Variants in SYT6 observed in about 807,000 individuals in gnomAD.
The protein encoded by SYT6 is synaptotagmin-6.
SYT6 carries 24 observed loss-of-function variants against 38.4 expected under a neutral mutation model. The ratio of observed to expected loss-of-function variants is 0.62; its 90% CI spans 0.45 to 0.88. The LOEUF is 0.88. SYT6 is among the 40% of genes least tolerant of loss of function. The pLI, the probability that SYT6 is intolerant of heterozygous loss-of-function variation, is 0.00. For missense variants in SYT6, 611 were observed against 621.0 expected, an observed-to-expected ratio of 0.98 and a Z score of 0.17; for synonymous variants, 265 against 241.9, an observed-to-expected ratio of 1.10 and a Z score of -0.89.
intron 5 of SYT6, among the ~76,000 whole-genome samples, chr1:114,098,753 A>T (rs1003312655): frequency 6.6e-6 from 1 of 152,214 alleles, no homozygotes; most frequent in Non-Finnish European, 1.5e-5. Flanking sequence ...AGTAGTAGCA[A>T]CAGCAGAAAT....
intron 3 of SYT6, among the ~76,000 whole-genome samples, chr1:114,113,317 C>T (rs987186035): frequency 6.6e-6 from 1 of 152,188 alleles, no homozygotes; most frequent in Admixed American, 6.5e-5. Flanking sequence ...CTTCTCCCAT[C>T]CCTGCCTCTA....
chr1:114,090,441 C>T lies in SYT6; in HGVS notation c.*1693G>A, dbSNP rs1675235475. ...CAATATCCTGTTAACTCATGCCCAACCTGGTCATTTTTAGGGCTAGAAGAT... is the reference window on the plus strand; with the variant it reads ...CAATATCCTGTTAACTCATGCCCAATCTGGTCATTTTTAGGGCTAGAAGAT... On this transcript the variant is annotated 3_prime_UTR_variant, in exon 8 of 8. Transcript: ENST00000610222. The T allele has an allele frequency of 6.6e-6, 1 of 152,338 alleles. No homozygotes were observed. Among genetic ancestry groups the T allele is most frequent in the African/African-American group, 2.4e-5 (1 of 41,450 alleles). The allele number at this position is 152,338 out of a possible 1,614,324, so 9.4% of individuals were successfully genotyped here.
chr1:114,109,026 G>C (rs1162584274), intron 3 of SYT6, among the ~76,000 whole-genome samples: 1 of 152,182 alleles, frequency 6.6e-6, no homozygotes, highest in African/African-American at 2.4e-5. Flanking sequence ...GGCTGGAAGA[G>C]AGATGAGGTA....
intron 2 of SYT6, 91 bp downstream of exon 2, chr1:114,139,524 G>T: frequency 6.5e-7 from 1 of 1,529,238 alleles, no homozygotes; most frequent in Non-Finnish European, 8.9e-7. Context: ...TATTATTTCT[G>T]GTCTGTGATC....
At chr1:114,096,576 A>C (rs1675654595) in intron 6 of SYT6, among the ~76,000 whole-genome samples, 1 of 152,026 alleles carries the variant, frequency 6.6e-6, no homozygotes, top group Admixed American at 6.5e-5. Flanking sequence ...CTCTCCTGAG[A>C]CACCTCAGCC....
At chr1:114,107,730 G>A (rs1676415050) in intron 3 of SYT6, among the ~76,000 whole-genome samples, 1 of 152,174 alleles carries the variant, frequency 6.6e-6, no homozygotes, top group African/African-American at 2.4e-5. Flanking sequence ...GGAAAGCCAG[G>A]CCCCAGCTCG....
intron 1 of SYT6, among the ~76,000 whole-genome samples, chr1:114,147,591 C>T (rs1018330410): frequency 2.0e-5 from 3 of 152,204 alleles, no homozygotes; most frequent in Admixed American, 1.3e-4. Context: ...CTAGCCCTGG[C>T]TGTGAAACTG....
chr1:114,096,149 C>A (rs1443382971), intron 6 of SYT6, among the ~76,000 whole-genome samples: 5 of 152,128 alleles, frequency 3.3e-5, no homozygotes, highest in African/African-American at 1.2e-4. Context: ...CTGGGTTGAA[C>A]CAACACAGCC....
In SYT6 at chr1:114,137,707, G is replaced by A. The variant is rs199947720; in HGVS notation, c.859C>T (p.Arg287Cys). ...TCAAAGGTGGGGTTCAGGGTCTTGC[G>A]GTGCACCCGGGTCTGCAGCTTGCAT... The part of the protein sequence containing the change: ...RKCKLQTRVH[R>C]KTLNPTFDEN... Residue 287 changes from arginine to cysteine, a missense_variant, in exon 3 of 8, where the codon CGC (arginine) becomes TGC (cysteine). By Grantham distance (180) the Arg-to-Cys change is radical. Transcript: ENST00000610222. 34 of 1,613,746 alleles carry A rather than the reference G, an allele frequency of 2.1e-5. No homozygotes were observed. The highest frequency in any genetic ancestry group is 8.8e-5 in the South Asian group (8 of 91,060).
At chr1:114,110,867 C>G (rs565160032) in intron 3 of SYT6, among the ~76,000 whole-genome samples, 8 of 152,180 alleles carry the variant, frequency 5.3e-5, no homozygotes, top group Admixed American at 1.3e-4. Flanking sequence ...CCCACTCCCT[C>G]CAATCCATCC....
At position 114,092,025 on chromosome 1, in the gene SYT6, G is replaced by T. The variant is rs1675333744; in HGVS notation, c.*109C>A. 1 of 1,536,184 alleles carries T rather than the reference G, an allele frequency of 6.5e-7. No individual in the cohort carries two copies. Among genetic ancestry groups the T allele is most frequent in the African/African-American group, 1.4e-5 (1 of 73,064 alleles). ...GGCTGCACATCTCATGGTGTTGGAG[G>T]TGGTTTCGGAGATGGGCACGAGCTC... is the stretch of plus-strand genomic sequence containing the variant. On this transcript the variant is annotated 3_prime_UTR_variant, in exon 8 of 8. Coordinates refer to ENST00000610222, the MANE Select transcript of SYT6 (RefSeq NM_001253772.2).
chr1:114,145,014 T>C (rs995550673), intron 1 of SYT6, among the ~76,000 whole-genome samples: 1 of 151,996 alleles, frequency 6.6e-6, no homozygotes, highest in Non-Finnish European at 1.5e-5. Flanking sequence ...GAGCTGGAGG[T>C]AGTCCTTCAC....
chr1:114,091,984 C>T lies in SYT6; in HGVS notation c.*150G>A, dbSNP rs1447687460. 4 of 1,534,814 alleles carry T rather than the reference C, an allele frequency of 2.6e-6. No individual in the cohort carries two copies. In the African/African-American group the frequency reaches 5.5e-5, roughly 21 times the overall value. On this transcript the variant is annotated 3_prime_UTR_variant, in exon 8 of 8. Coordinates refer to ENST00000610222, the MANE Select transcript of SYT6 (RefSeq NM_001253772.2). ...AAGTGCAAAGAGAACATTGCTGAGT[C>T]CCATTTGTGTTATTTGGCTGCACAT...
intron 7 of SYT6, among the ~76,000 whole-genome samples, chr1:114,092,829 C>A (rs188696771): frequency 4.9e-4 from 75 of 152,338 alleles, no homozygotes; most frequent in African/African-American, 1.5e-3. Context: ...CTGCAGCAGT[C>A]ATAACCCCAG....
intron 6 of SYT6, among the ~76,000 whole-genome samples, chr1:114,095,516 T>G (rs1042949762): frequency 2.0e-5 from 3 of 152,164 alleles, no homozygotes; most frequent in Admixed American, 6.5e-5. Context: ...GATTGAAGAT[T>G]AGAAAGGCAG....
chr1:114,152,708 G>A (rs1261436068), intron 1 of SYT6: 3 of 152,194 alleles, frequency 2.0e-5, no homozygotes, highest in African/African-American at 7.2e-5. Flanking sequence ...CGACTCCCCG[G>A]AGACGCCGCA....
intron 3 of SYT6, among the ~76,000 whole-genome samples, chr1:114,131,469 T>C (rs1678148259): frequency 6.6e-6 from 1 of 152,232 alleles, no homozygotes; most frequent in African/African-American, 2.4e-5. Flanking sequence ...CTTTTCTTCA[T>C]GTCTCCTAAC....
chr1:114,122,103 A>G (rs1246465274), intron 3 of SYT6, among the ~76,000 whole-genome samples: 1 of 152,196 alleles, frequency 6.6e-6, no homozygotes, highest in Non-Finnish European at 1.5e-5. Flanking sequence ...GCAGGGTCTC[A>G]TGGATCCTGA....
At chr1:114,135,710 G>C (rs773238545) in intron 3 of SYT6, among the ~76,000 whole-genome samples, 14 of 152,174 alleles carry the variant, frequency 9.2e-5, no homozygotes, top group Non-Finnish European at 1.8e-4. Context: ...TTCATGCCTG[G>C]AGCCAAAGAC....
Sources: allele counts gnomAD v4.1 joint callset (sites outside exome capture counted in the v4.1 genomes callset), GRCh38; gene constraint gnomAD v4.1.1; transcripts MANE v1.5; gene names NCBI Gene and HGNC (gene_info 2026-07-23, HGNC 2026-07-21).